Variants in C18orf54 observed in about 807,000 individuals in gnomAD.
C18orf54 encodes chromosome 18 open reading frame 54.
A neutral mutation model predicts 49.3 loss-of-function variants in C18orf54; 49 were observed. The ratio of observed to expected loss-of-function variants is 0.99; its 90% CI spans 0.79 to 1.26. The LOEUF (loss-of-function observed/expected upper bound fraction) is 1.26, where lower values mean the gene tolerates loss of function less well. Among genes scored for constraint, C18orf54 ranks in the 50% most tolerant of loss-of-function variants. C18orf54 has a pLI of 0.00. For missense variants in C18orf54, 687 were observed against 620.6 expected (o/e 1.11, Z -1.14); for synonymous variants, 211 against 216.6 (o/e 0.97, Z 0.23).
intron 6 of C18orf54, among the ~76,000 whole-genome samples, chr18:54,370,423 A>T (rs554838935): frequency 6.6e-6 from 1 of 152,310 alleles, no homozygotes; most frequent in South Asian, 2.1e-4. Context: ...GCCATTTTAT[A>T]ATCAGGTACT....
Position 54,361,934 on chromosome 18 carries a change from A to G in C18orf54, c.575A>G (p.Asn192Ser), listed in dbSNP as rs769976877. ...ACTCCTGTTATACGCTCAAATATAA[A>G]TGGAAAGCAATGTGGTAGGCTGAAA... is the stretch of plus-strand genomic sequence containing the variant. ...FVTPVIRSNI[N>S]GKQCGRLKNP... is the part of the protein sequence containing the mutation. Residue 192 changes from asparagine to serine, a missense_variant, in exon 4 of 9, where the codon AAT becomes AGT. Physicochemically the swap from Asn to Ser is conservative, Grantham distance 46. Coordinates refer to ENST00000620105, the MANE Select transcript of C18orf54 (RefSeq NM_001288980.2). 6.2e-7 allele frequency: 1 copy of G among 1,614,178 alleles called. No homozygotes were observed. Among genetic ancestry groups the G allele is most frequent in the Non-Finnish European group, 8.5e-7 (1 of 1,180,016 alleles).
At chr18:54,359,286 C>T (rs2089212460) in intron 2 of C18orf54, among the ~76,000 whole-genome samples, 2 of 152,146 alleles carry the variant, frequency 1.3e-5, no homozygotes, top group Non-Finnish European at 1.5e-5. Flanking sequence ...GTTTAAACTT[C>T]TTTAAATAAA....
chr18:54,361,625 C>T lies in C18orf54; in HGVS notation c.284-18C>T, dbSNP rs1555683273. ...AAATATTTGTATGTAATAAACAAAACTGTTCTTCGTTTTTCAGCTTTTGAA... is the reference window on the plus strand; with the variant it reads ...AAATATTTGTATGTAATAAACAAAATTGTTCTTCGTTTTTCAGCTTTTGAA... On this transcript the variant is annotated intron_variant, in intron 3 of 8. Coordinates refer to ENST00000620105, the MANE Select transcript of C18orf54 (RefSeq NM_001288980.2). 10 of 1,560,744 alleles carry T rather than the reference C, an allele frequency of 6.4e-6. No individual in the cohort carries two copies. In the South Asian group the frequency reaches 8.5e-5, roughly 13 times the overall value.
chr18:54,361,701 C>T lies in C18orf54; in HGVS notation c.342C>T (p.Thr114=), dbSNP rs148131162. Residue 114 remains threonine (T), a synonymous_variant, in exon 4 of 9, where the codon ACC becomes ACT. Transcript: ENST00000620105. ...HSNFISCRRH[T]VNDIDSMSLT... is the part of the protein sequence containing the mutation. ...ACTTCATATCCTGTAGAAGACACAC[C>T]GTTAATGACATAGACTCCATGAGCC... 161 of 1,613,494 alleles carry T rather than the reference C, an allele frequency of 1.0e-4. 2 individuals are homozygous for T. The Middle Eastern group carries it at 2.1e-3, about 22-fold the overall frequency.
Position 54,380,950 on chromosome 18 carries a change from A to C in C18orf54, c.*2704A>C, listed in dbSNP as rs1367613787. On this transcript the variant is annotated 3_prime_UTR_variant, in exon 9 of 9. Coordinates refer to ENST00000620105, the MANE Select transcript of C18orf54 (RefSeq NM_001288980.2). Reference sequence around the variant, plus strand: ...AAAGGCAAGTAGCATGAAAGAAGACAGAAGAAGCAAAAGGCTAATACAGTG... The same window carrying C: ...AAAGGCAAGTAGCATGAAAGAAGACCGAAGAAGCAAAAGGCTAATACAGTG... The C allele has an allele frequency of 6.6e-6, 1 of 152,188 alleles. No homozygotes were observed. Among genetic ancestry groups the C allele is most frequent in the East Asian group, 1.9e-4 (1 of 5,200 alleles). 9.4% of individuals were successfully genotyped at this position (152,188 alleles called of 1,614,324 possible). A position where few individuals can be genotyped will look rare whatever the true frequency, so the allele number is the denominator to read the frequency against.
intron 7 of C18orf54, among the ~76,000 whole-genome samples, chr18:54,373,189 T>C (rs1029256787): frequency 2.6e-5 from 4 of 151,886 alleles, no homozygotes; most frequent in African/African-American, 9.7e-5. Flanking sequence ...ACATAGAGTT[T>C]ATATTTTCCC....
At chr18:54,376,300 A>G (rs2089568776) in intron 8 of C18orf54, among the ~76,000 whole-genome samples, 1 of 152,230 alleles carries the variant, frequency 6.6e-6, no homozygotes, top group Non-Finnish European at 1.5e-5. Flanking sequence ...TCAATTAGAA[A>G]TATGTGTTCT....
intron 3 of C18orf54, 32 bp from the exon 4 acceptor site, chr18:54,361,611 T>C (rs1765190673): frequency 2.0e-6 from 3 of 1,508,786 alleles, no homozygotes; most frequent in East Asian, 2.3e-5. Context: ...AATATTTGTA[T>C]GTAATAAACA....
At chr18:54,365,689 G>A (rs2089365994) in intron 5 of C18orf54, 30 bp from the exon 6 acceptor site, 2 of 1,325,802 alleles carry the variant, frequency 1.5e-6, no homozygotes, top group East Asian at 4.7e-5. Flanking sequence ...GAACTTAATT[G>A]CTATCTTGCA....
In C18orf54 at chr18:54,361,763, G is replaced by A. The variant is rs138411365; in HGVS notation, c.404G>A (p.Gly135Glu). The change falls in exon 4 of 9, where the codon GGA (glycine) becomes GAA (glutamate). Residue 135 changes from glycine to glutamate, a missense_variant. By Grantham distance (98) the Gly-to-Glu change is moderately conservative. Transcript: ENST00000620105. ...GATCTATTAAGACTCCCAGCAGATG[G>A]ATCATTTTCTTATACTTATGTTGGA... ...TDDLLRLPADGSFSYTYVGPS... is the reference protein window; with the variant it reads ...TDDLLRLPADESFSYTYVGPS... 263 of 1,613,994 alleles carry A rather than the reference G, an allele frequency of 1.6e-4. No individual in the cohort carries two copies. In the African/African-American group the frequency reaches 3.1e-3, roughly 19 times the overall value.
At chr18:54,373,880 A>T (rs2144750492) in intron 7 of C18orf54, among the ~76,000 whole-genome samples, 1 of 151,998 alleles carries the variant, frequency 6.6e-6, no homozygotes, top group African/African-American at 2.4e-5. Context: ...TAATCATAAC[A>T]TTAATATGTA....
In C18orf54 at chr18:54,360,671, T is replaced by A. The variant is rs1259442587; in HGVS notation, c.99T>A (p.Asn33Lys). The change falls in exon 3 of 9, where the codon AAT becomes AAA. Residue 33 changes from asparagine to lysine, a missense_variant. Asn to Lys is a moderately conservative substitution (Grantham distance 94). Coordinates refer to ENST00000620105, the MANE Select transcript of C18orf54 (RefSeq NM_001288980.2). ...CCCTGAGTGGTAGTAATTCCTCTAA[T>A]TCTGATGGCTCGTTTCACTATAAAG... ...SCTLSGSNSSNSDGSFHYKDK... is the reference protein window; with the variant it reads ...SCTLSGSNSSKSDGSFHYKDK... The A allele has an allele frequency of 3.7e-6, 6 of 1,614,136 alleles. No individual in the cohort carries two copies. The highest frequency in any genetic ancestry group is 5.1e-6 in the Non-Finnish European group (6 of 1,179,960).
chr18:54,365,799 A>T lies in C18orf54; in HGVS notation c.1304A>T (p.Asp435Val). 1 of 1,580,232 alleles carries T rather than the reference A, an allele frequency of 6.3e-7. No homozygotes were observed. Among genetic ancestry groups the T allele is most frequent in the Non-Finnish European group, 8.6e-7 (1 of 1,157,478 alleles). The change falls in exon 6 of 9, where the codon GAC (aspartate) becomes GTC (valine). Residue 435 changes from aspartate to valine, a missense_variant. Coordinates refer to ENST00000620105, the MANE Select transcript of C18orf54 (RefSeq NM_001288980.2). The stretch of plus-strand genomic sequence containing the variant: ...AAGAGTGCTAAAGGGGTTCTTGAAG[A>T]CTTTCTAAATAATGATAATCAGGTG... ...RAKSAKGVLE[D>V]FLNNDNQSCT...
intron 1 of C18orf54, among the ~76,000 whole-genome samples, 177 bp downstream of exon 1, chr18:54,358,252 G>C (rs1000602908): frequency 3.3e-5 from 5 of 152,174 alleles, no homozygotes; most frequent in Non-Finnish European, 7.4e-5. Context: ...CGCTTGTGGA[G>C]TCTCTGTGGA....
chr18:54,374,330 T>G (rs773318113), intron 8 of C18orf54, 46 bp downstream of exon 8: 7 of 1,511,228 alleles, frequency 4.6e-6, no homozygotes, highest in East Asian at 4.8e-5. Context: ...CTTAGCCATT[T>G]CTTTGACATA....
Position 54,372,546 on chromosome 18 carries a change from A to G in C18orf54, c.1407A>G (p.Gln469=). ...KQMLFNLQAV[Q]ERFNQNKTTD... ...TGTTATTTAACCTTCAAGCAGTACA[A>G]GAACGTTTTAATCAAAATAAGACCA... The change falls in exon 7 of 9, where the codon CAA becomes CAG. Residue 469 remains glutamine (Q), a synonymous_variant. Transcript: ENST00000620105. 1 of 1,610,904 alleles carries G rather than the reference A, an allele frequency of 6.2e-7. No homozygotes were observed. Among genetic ancestry groups the G allele is most frequent in the Non-Finnish European group, 8.5e-7 (1 of 1,177,984 alleles).
intron 7 of C18orf54, among the ~76,000 whole-genome samples, chr18:54,372,832 C>G (rs2144748219): frequency 6.6e-6 from 1 of 151,866 alleles, no homozygotes; most frequent in African/African-American, 2.4e-5. Context: ...ATAAATCCAA[C>G]ATCTTATTTA....
intron 8 of C18orf54, among the ~76,000 whole-genome samples, chr18:54,376,356 G>A (rs1018120993): frequency 7.9e-5 from 12 of 152,204 alleles, no homozygotes; most frequent in African/African-American, 2.9e-4. Context: ...ATGCCACCAT[G>A]CCCGGCTAAT....
Position 54,361,933 on chromosome 18 carries a change from A to G in C18orf54, c.574A>G (p.Asn192Asp), listed in dbSNP as rs1568181806. ...TACTCCTGTTATACGCTCAAATATAAATGGAAAGCAATGTGGTAGGCTGAA... is the reference window on the plus strand; with the variant it reads ...TACTCCTGTTATACGCTCAAATATAGATGGAAAGCAATGTGGTAGGCTGAA... Reference protein sequence around the residue: ...FVTPVIRSNINGKQCGRLKNP... With the variant: ...FVTPVIRSNIDGKQCGRLKNP... Residue 192 changes from asparagine to aspartate, a missense_variant, in exon 4 of 9, where the codon AAT becomes GAT. By Grantham distance (23) the Asn-to-Asp change is conservative. Coordinates refer to ENST00000620105, the MANE Select transcript of C18orf54 (RefSeq NM_001288980.2). 6.2e-7 allele frequency: 1 copy of G among 1,614,154 alleles called. No homozygotes were observed. The highest frequency in any genetic ancestry group is 8.5e-7 in the Non-Finnish European group (1 of 1,180,008).
Sources: gnomAD v4.1 joint callset for allele counts (sites outside exome capture counted in the v4.1 genomes callset) on GRCh38, gnomAD v4.1.1 for gene constraint, MANE v1.5 for transcripts, NCBI Gene and HGNC (gene_info 2026-07-23, HGNC 2026-07-21) for gene names.